The following AP1G2 variants were observed in gnomAD, a reference collection of about 807,000 sequenced individuals.
AP1G2 encodes the protein AP-1 complex subunit gamma-like 2.
Under a neutral mutation model 95.8 loss-of-function variants are expected in AP1G2, and 85 were observed. The observed-to-expected ratio is 0.89, with a 90% CI of 0.74 to 1.06. The LOEUF (loss-of-function observed/expected upper bound fraction) is 1.06. Ranked by LOEUF, AP1G2 falls within the 50% of genes least tolerant of loss-of-function variation. The probability of loss-of-function intolerance (pLI) is 0.00; values close to 1 mark genes in which losing one functional copy is unlikely to be tolerated. For missense variants in AP1G2, 967 were observed against 1,005.8 expected (o/e 0.96, Z 0.52); for synonymous variants, 378 against 400.0 (o/e 0.94, Z 0.66).
Position 23,561,357 on chromosome 14 carries a change from G to A in AP1G2, c.1932C>T (p.Asp644=), listed in dbSNP as rs1437427376. ...SGDVQHPPHL[D]PSPGGALVHL... is the part of the protein sequence containing the mutation. Reference sequence around the variant, plus strand: ...GTACCAGGGCACCTCCTGGGGAGGGGTCCAGATGGGGAGGATGCTGGACAT... The same window carrying A: ...GTACCAGGGCACCTCCTGGGGAGGGATCCAGATGGGGAGGATGCTGGACAT... Residue 644 remains aspartate (D), a synonymous_variant, in exon 19 of 22, where the codon GAC becomes GAT. Transcript: ENST00000397120. The A allele has an allele frequency of 6.3e-7, 1 of 1,593,634 alleles. No homozygotes were observed. Among genetic ancestry groups the A allele is most frequent in the Non-Finnish European group, 8.6e-7 (1 of 1,168,390 alleles).
chr14:23,566,012 A>G (rs766935606), intron 5 of AP1G2, 52 bp downstream of exon 5: 122 of 1,613,744 alleles, frequency 7.6e-5, no homozygotes, highest in Admixed American at 5.5e-4. Context: ...CCGATTTTCA[A>G]TTCTTCTGTC....
At chr14:23,561,260 C>T in intron 19 of AP1G2, 36 bp downstream of exon 19, 1 of 1,514,104 alleles carries the variant, frequency 6.6e-7, no homozygotes, top group Non-Finnish European at 8.8e-7. Flanking sequence ...TTTCCACCTA[C>T]CTTCTCTAAG....
chr14:23,567,372 T>G lies in AP1G2; in HGVS notation c.-5-53A>C. ...CTCTCTGGTCGGGCGTGCCTGGGCT[T>G]TCGGCCCAGGCCCGTCCTGTGTCAA... On this transcript the variant is annotated intron_variant, in intron 1 of 21. Coordinates refer to ENST00000397120, the MANE Select transcript of AP1G2 (RefSeq NM_003917.5). This position sits in a 1 kb window ranked among gnomAD's most constrained non-coding sequence, Gnocchi z 5.3. 9 of 1,561,856 alleles carry G rather than the reference T, an allele frequency of 5.8e-6. No homozygotes were observed. Among genetic ancestry groups the G allele is most frequent in the Non-Finnish European group, 7.7e-6 (9 of 1,162,648 alleles).
chr14:23,560,545 A>G, intron 19 of AP1G2, 127 bp from the exon 20 acceptor site: 1 of 986,218 alleles, frequency 1.0e-6, no homozygotes. Context: ...AACAAAGTAG[A>G]CATGTAGATG....
Position 23,563,868 on chromosome 14 carries a change from AAG to A in AP1G2, c.1092-14_1092-13del. 6.2e-7 allele frequency: 1 copy of A among 1,612,370 alleles called. No individual in the cohort carries two copies. On this transcript the variant is annotated splice_polypyrimidine_tract_variant and intron_variant, in intron 11 of 21. Transcript: ENST00000397120. ...GTTCCAGGGCTCTCCTGGCAGGAGA[AAG>A]AGGTTTCCATGCAGGTAGCCCAGGT...
intron 14 of AP1G2, 137 bp from the exon 15 acceptor site, chr14:23,562,730 C>G: frequency 1.3e-6 from 1 of 748,802 alleles, no homozygotes; most frequent in Middle Eastern, 3.7e-4. Context: ...AAGCGAGACC[C>G]CCCCCATCTC....
intron 16 of AP1G2, 29 bp downstream of exon 16, chr14:23,562,259 T>G (rs1885248749): frequency 6.2e-7 from 1 of 1,612,350 alleles, no homozygotes; most frequent in Non-Finnish European, 8.5e-7. Context: ...TGACAGGCCA[T>G]CTCTCAAGGG....
intron 8 of AP1G2, 164 bp downstream of exon 8, chr14:23,564,955 A>G: frequency 1.4e-6 from 1 of 723,800 alleles, no homozygotes; most frequent in East Asian, 2.7e-5. Context: ...CACTGGGGCA[A>G]TAGCACTAAG....
rs779302318 is a variant in AP1G2, at chr14:23,562,584, C to T, written c.1420G>A (p.Val474Met). ...CCAATGCACCAGGCTGCCACCTGCA[C>T]CAGTGGTTGCTACATGGGATAAGAA... ...LAEDISQQPL[V>M]QVAAWCIGEY... is the part of the protein sequence containing the mutation. The change falls in exon 15 of 22, where the codon GTG becomes ATG. Residue 474 changes from valine (V) to methionine (M), a missense_variant. Transcript: ENST00000397120. The T allele has an allele frequency of 3.1e-6, 5 of 1,613,914 alleles. No homozygotes were observed. The South Asian group carries it at 3.3e-5, about 11-fold the overall frequency.
chr14:23,562,753 AAAAAG>A (rs1016702999), intron 14 of AP1G2, 160 bp from the exon 15 acceptor site: 2 of 694,466 alleles, frequency 2.9e-6, no homozygotes, highest in African/African-American at 1.8e-5. Context: ...TTTTAAAAAA[AAAAAG>A]AGAGAGAGAG....
chr14:23,559,685 C>A lies in AP1G2; in HGVS notation c.*64G>T. On this transcript the variant is annotated 3_prime_UTR_variant, in exon 22 of 22. Coordinates refer to ENST00000397120, the MANE Select transcript of AP1G2 (RefSeq NM_003917.5). The stretch of plus-strand genomic sequence containing the variant: ...TGCTGGTAGCCCTCAGGTGTAGGTT[C>A]GAAGCTGCTGGGGCCCCCTGGGGTT... 6.7e-7 allele frequency: 1 copy of A among 1,502,496 alleles called. No individual in the cohort carries two copies. The highest frequency in any genetic ancestry group is 9.2e-7 in the Non-Finnish European group (1 of 1,088,542). The allele number at this position is 1,502,496 out of a possible 1,614,324, so 93.1% of individuals were successfully genotyped here. A position where few individuals can be genotyped will look rare whatever the true frequency, so the allele number is the denominator to read the frequency against.
At chr14:23,564,785 C>A in intron 8 of AP1G2, 125 bp from the exon 9 acceptor site, 1 of 866,168 alleles carries the variant, frequency 1.2e-6, no homozygotes, top group South Asian at 1.6e-5. Context: ...TCTGATGATC[C>A]TCCTGCCTCA....
In AP1G2 at chr14:23,559,849, G is replaced by A; in HGVS notation, c.2258C>T (p.Ala753Val). Residue 753 changes from alanine (A) to valine (V), a missense_variant and splice_region_variant, in exon 22 of 22, where the codon GCC (alanine) becomes GTC (valine). Transcript: ENST00000397120. ...GAGGCGCAGCTTTAGCCGCAGGGGG[G>A]CCTAGGAATAGGAGAGCAGGGACCA... ...QLFRILNPNK[A>V]PLRLKLRLTY... 2 of 1,614,060 alleles carry A rather than the reference G, an allele frequency of 1.2e-6. No individual in the cohort carries two copies. The highest frequency in any genetic ancestry group is 1.7e-4 in the Middle Eastern group (1 of 6,056).
intron 20 of AP1G2, 107 bp downstream of exon 20, chr14:23,560,148 C>T: frequency 3.4e-6 from 5 of 1,476,118 alleles, no homozygotes; most frequent in Non-Finnish European, 3.7e-6. Context: ...GTGCTGATCT[C>T]CAGATGACTC....
Position 23,565,633 on chromosome 14 carries a change from T to TA in AP1G2, c.713dup (p.Ser239IlefsTer28), listed in dbSNP as rs1003658009. 1.7e-5 allele frequency: 28 copies of TA among 1,614,002 alleles called. No homozygotes were observed. The highest frequency in any genetic ancestry group is 2.4e-5 in the Non-Finnish European group (28 of 1,180,012). Reference sequence around the variant, plus strand: ...GCAGGAAGGGGTCGCTGACTCCAGATATGCTGTGTTCTGTGGAGTATCCCA... The same window carrying TA: ...GCAGGAAGGGGTCGCTGACTCCAGATAATGCTGTGTTCTGTGGAGTATCCCA... On this transcript the variant is annotated frameshift_variant, in exon 7 of 22. Transcript: ENST00000397120. LOFTEE classifies it high-confidence loss of function.
intron 16 of AP1G2, 88 bp from the exon 17 acceptor site, chr14:23,562,154 C>T: frequency 1.3e-6 from 2 of 1,591,694 alleles, no homozygotes; most frequent in Non-Finnish European, 1.7e-6. Flanking sequence ...AGGGAAATAC[C>T]CAGATTTGGC....
Position 23,566,377 on chromosome 14 carries a change from C to T in AP1G2, c.372G>A (p.Leu124=), listed in dbSNP as rs775404540. 6.2e-7 allele frequency: 1 copy of T among 1,614,052 alleles called. No individual in the cohort carries two copies. Among genetic ancestry groups the T allele is most frequent in the South Asian group, 1.1e-5 (1 of 91,086 alleles). ...CAGAGCCCATGGTGCTCAAAGTGCA[C>T]AAGGCCAGGCCTTGTACTGGCTGAA... The part of the protein sequence containing the change: ...QGIQPVQGLA[L]CTLSTMGSAE... The change falls in exon 4 of 22, where the codon TTG becomes TTA. Residue 124 remains leucine (L), a synonymous_variant. Transcript: ENST00000397120.
chr14:23,559,980 G>C lies in AP1G2; in HGVS notation c.2214C>G (p.Gly738=), dbSNP rs761200974. The part of the protein sequence containing the change: ...PSGNTVPARG[G]LPITQLFRIL... ...TTCTGAAGAGCTGGGTGATAGGAAGGCCACCCCGAGCTGGAACTGTGTTCC... is the reference window on the plus strand; with the variant it reads ...TTCTGAAGAGCTGGGTGATAGGAAGCCCACCCCGAGCTGGAACTGTGTTCC... The change falls in exon 21 of 22, where the codon GGC becomes GGG. Residue 738 remains glycine, a synonymous_variant. Transcript: ENST00000397120. The C allele has an allele frequency of 1.9e-6, 3 of 1,613,062 alleles. No individual in the cohort carries two copies. Among genetic ancestry groups the C allele is most frequent in the Non-Finnish European group, 2.5e-6 (3 of 1,179,424 alleles).
chr14:23,559,656 C>T lies in AP1G2; in HGVS notation c.*93G>A, dbSNP rs1883083351. The T allele has an allele frequency of 8.6e-7, 1 of 1,161,024 alleles. No homozygotes were observed. The highest frequency in any genetic ancestry group is 1.3e-6 in the Non-Finnish European group (1 of 788,174). The allele number at this position is 1,161,024 out of a possible 1,614,324, so 71.9% of individuals were successfully genotyped here. A position where few individuals can be genotyped will look rare whatever the true frequency, so the allele number is the denominator to read the frequency against. On this transcript the variant is annotated 3_prime_UTR_variant, in exon 22 of 22. Coordinates refer to ENST00000397120, the MANE Select transcript of AP1G2 (RefSeq NM_003917.5). ...TTTTTGCAGTGCAAAGCCAGAGCGC[C>T]ACCTGCTGGTAGCCCTCAGGTGTAG...
Sources: allele counts gnomAD v4.1 joint callset, GRCh38; gene constraint gnomAD v4.1.1; non-coding constraint Gnocchi (gnomAD v3.1); transcripts MANE v1.5; gene names NCBI Gene and HGNC (gene_info 2026-07-23, HGNC 2026-07-21).